The following ANK3 variants were observed in gnomAD, a reference collection of about 807,000 sequenced individuals.
ANK3 encodes the protein ankyrin 3.
In ANK3, 57 loss-of-function variants were observed where a neutral mutation model predicts 370.9. The ratio of observed to expected loss-of-function variants is 0.15; its 90% CI spans 0.12 to 0.19. ANK3 has a LOEUF of 0.19. Among genes scored for constraint, ANK3 ranks in the 10% least tolerant of loss-of-function variants. The pLI is 1.00. For synonymous variants in ANK3, 1,929 were observed against 1,946.3 expected, an observed-to-expected ratio of 0.99 and a Z score of 0.23; for missense variants, 4,439 against 5,302.1, an observed-to-expected ratio of 0.84 and a Z score of 5.06.
At position 60,261,989 on chromosome 10, in the gene ANK3, A is replaced by G. The variant is rs754528903; in HGVS notation, c.700-32T>C. The G allele has an allele frequency of 2.5e-6, 4 of 1,580,318 alleles. No individual in the cohort carries two copies. The Admixed American group carries it at 5.0e-5, about 20-fold the overall frequency. On this transcript the variant is annotated intron_variant, in intron 6 of 43. Coordinates refer to ENST00000280772, the MANE Select transcript of ANK3 (RefSeq NM_020987.5). ...AGAAAACATAGCAGACATTCAATTG[A>G]TTCCTGCCAGCCCCCTGCCTGACAG...
At chr10:60,369,782 C>G (rs1337514674) in intron 1 of ANK3, among the ~76,000 whole-genome samples, 1 of 152,120 alleles carries the variant, frequency 6.6e-6, no homozygotes, top group Non-Finnish European at 1.5e-5. Context: ...AAGATAAACT[C>G]TTATCACGTT....
At chr10:60,681,744 C>T (rs957536166) in intron 1 of ANK3, among the ~76,000 whole-genome samples, 1 of 152,124 alleles carries the variant, frequency 6.6e-6, no homozygotes, top group Admixed American at 6.5e-5. Context: ...AGACTGGCTC[C>T]GACTTGGACA....
chr10:60,573,101 C>G, intron 2 of ANK3: 2 of 664,714 alleles, frequency 3.0e-6, no homozygotes, highest in Non-Finnish European at 3.7e-6. Flanking sequence ...AGGAGGCAGT[C>G]GGGAGAGTGA....
intron 28 of ANK3, among the ~76,000 whole-genome samples, chr10:60,104,594 T>G (rs2091909617): frequency 6.6e-6 from 1 of 152,044 alleles, no homozygotes; most frequent in Non-Finnish European, 1.5e-5. Flanking sequence ...TGCAGTGCTA[T>G]CCTTTCTTTT....
intron 1 of ANK3, among the ~76,000 whole-genome samples, chr10:60,704,409 A>G (rs1168443850): frequency 2.0e-5 from 3 of 152,214 alleles, no homozygotes; most frequent in African/African-American, 7.2e-5. Context: ...TTGCATAAAT[A>G]GCAGCAATCA....
intron 24 of ANK3, chr10:60,137,384 A>AAAC (rs1565245245): frequency 2.7e-6 from 1 of 367,986 alleles, no homozygotes. Flanking sequence ...GAAAAAAAAA[A>AAAC]AAAAAAAACA....
At chr10:60,089,699 TAAAC>T (rs1362299355) in intron 28 of ANK3, among the ~76,000 whole-genome samples, 1 of 152,076 alleles carries the variant, frequency 6.6e-6, no homozygotes, top group African/African-American at 2.4e-5. Flanking sequence ...ATTAAACAGT[TAAAC>T]ACACACATAT....
intron 23 of ANK3, among the ~76,000 whole-genome samples, chr10:60,155,363 G>A (rs141161078): frequency 1.8e-3 from 280 of 152,248 alleles, no homozygotes; most frequent in African/African-American, 6.3e-3. Flanking sequence ...CAGTGCCCAC[G>A]GAAGGAGCAT....
intron 1 of ANK3, among the ~76,000 whole-genome samples, chr10:60,374,068 C>G (rs528519483): frequency 6.6e-6 from 1 of 152,036 alleles, no homozygotes; most frequent in Admixed American, 6.5e-5. Flanking sequence ...GTAGTCCTGC[C>G]CAAGTGCTCC....
At chr10:60,514,268 C>G (rs2076161596) in intron 2 of ANK3, among the ~76,000 whole-genome samples, 1 of 152,078 alleles carries the variant, frequency 6.6e-6, no homozygotes, top group Non-Finnish European at 1.5e-5. Context: ...TGCAGGGGGT[C>G]AGTGCCCCGG....
intron 2 of ANK3, among the ~76,000 whole-genome samples, chr10:60,545,115 C>G (rs964985861): frequency 9.3e-6 from 1 of 107,070 alleles, no homozygotes; most frequent in African/African-American, 4.1e-5. Flanking sequence ...TCATGACGAA[C>G]AGTGATGATG....
chr10:60,557,543 G>A (rs1227713530), intron 2 of ANK3, among the ~76,000 whole-genome samples: 1 of 152,064 alleles, frequency 6.6e-6, no homozygotes, highest in Non-Finnish European at 1.5e-5. Flanking sequence ...GAAAGTTCTA[G>A]AACCAAAGAG....
intron 1 of ANK3, among the ~76,000 whole-genome samples, chr10:60,715,816 C>T (rs1382809565): frequency 6.6e-6 from 1 of 152,068 alleles, no homozygotes; most frequent in East Asian, 1.9e-4. Flanking sequence ...TCGGCCAAAA[C>T]CATTAAGGTT....
At chr10:60,289,824 T>C (rs769605129) in intron 1 of ANK3, among the ~76,000 whole-genome samples, 18 of 152,184 alleles carry the variant, frequency 1.2e-4, no homozygotes, top group Admixed American at 2.6e-4. Flanking sequence ...CTTGAACTTT[T>C]CAAAATCTAA....
intron 1 of ANK3, among the ~76,000 whole-genome samples, chr10:60,350,026 G>A (rs148336568): frequency 3.6e-4 from 55 of 152,222 alleles, no homozygotes; most frequent in African/African-American, 1.3e-3. Flanking sequence ...ATTTCAAGTC[G>A]AGTGATAATC....
intron 2 of ANK3, among the ~76,000 whole-genome samples, chr10:60,492,379 T>A (rs75017287): frequency 1.3e-5 from 2 of 151,874 alleles, no homozygotes; most frequent in African/African-American, 4.8e-5. Context: ...GACATAAAAG[T>A]AAATGAAACA....
rs1372022001 is a variant in ANK3 at position 60,034,075 on chromosome 10, GTTTTTGTTTTTT to G, written c.*20-4261_*20-4250del. On this transcript the variant is annotated intron_variant, in intron 43 of 43. Coordinates refer to ENST00000280772, the MANE Select transcript of ANK3 (RefSeq NM_020987.5). Reference sequence around the variant, plus strand: ...AGTAGGTCAGTGTGTCTGAAATTCTGTTTTTGTTTTTTTTTTTGTTTTGTTTTTTGGTTTTTT... The same window carrying G: ...AGTAGGTCAGTGTGTCTGAAATTCTGTTTTTGTTTTGTTTTTTGGTTTTTT... Among the ~76,000 whole-genome samples, 8 of 108,578 alleles carry G rather than the reference GTTTTTGTTTTTT, an allele frequency of 7.4e-5. No homozygotes were observed. The South Asian group carries it at 9.7e-4, about 13-fold the overall frequency. The allele number at this position is 108,578 out of a possible 152,430, so 71.2% of individuals were successfully genotyped here. A position where few individuals can be genotyped will look rare whatever the true frequency, so the allele number is the denominator to read the frequency against.
At chr10:60,431,658 G>T (rs909181922) in intron 2 of ANK3, among the ~76,000 whole-genome samples, 2 of 152,268 alleles carry the variant, frequency 1.3e-5, no homozygotes, top group East Asian at 3.9e-4. Flanking sequence ...CTGGTGGGGG[G>T]GCTAGGGAAG....
At chr10:60,370,497 TAGA>T (rs141643132) in intron 1 of ANK3, among the ~76,000 whole-genome samples, 2,789 of 152,278 alleles carry the variant, frequency 0.018, 100 homozygotes, top group African/African-American at 0.063. Flanking sequence ...GCTCTCAAAG[TAGA>T]AGAATGCATT....
Sources: gnomAD v4.1 joint callset for allele counts (sites outside exome capture counted in the v4.1 genomes callset) on GRCh38, gnomAD v4.1.1 for gene constraint, MANE v1.5 for transcripts, NCBI Gene and HGNC (gene_info 2026-07-23, HGNC 2026-07-21) for gene names.